PRMT8: variants seen among roughly 807,000 people sequenced by gnomAD.
PRMT8 encodes the protein protein arginine methyltransferase 8.
A neutral mutation model predicts 47.1 loss-of-function variants in PRMT8; 7 were observed. The observed-to-expected ratio is 0.15, with a 90% CI of 0.08 to 0.28. The LOEUF is 0.28. PRMT8 is among the 10% of genes least tolerant of loss of function. The probability of loss-of-function intolerance (pLI) is 1.00; values close to 1 mark genes in which losing one functional copy is unlikely to be tolerated. For missense variants in PRMT8, 237 were observed against 505.4 expected, an observed-to-expected ratio of 0.47 and a Z score of 5.09; for synonymous variants, 188 against 186.5, an observed-to-expected ratio of 1.01 and a Z score of -0.07.
chr12:3,516,390 G>A (rs1176331976), intron 1 of PRMT8, among the ~76,000 whole-genome samples: 3 of 152,198 alleles, frequency 2.0e-5, no homozygotes, highest in African/African-American at 7.2e-5. Context: ...TTTATTGAAT[G>A]TTCACTCAGC....
At chr12:3,439,535 G>C (rs1864777327) in intron 1 of PRMT8, among the ~76,000 whole-genome samples, 1 of 152,130 alleles carries the variant, frequency 6.6e-6, no homozygotes, top group Admixed American at 6.5e-5. Flanking sequence ...CCCTTTCTCA[G>C]CTTACATCCC....
intron 1 of PRMT8, among the ~76,000 whole-genome samples, chr12:3,387,625 T>C (rs1034451216): frequency 6.6e-6 from 1 of 152,174 alleles, no homozygotes; most frequent in Non-Finnish European, 1.5e-5. Context: ...CTATTAACTA[T>C]TTATCGAATG....
At chr12:3,422,242 C>G (rs1189085541) in intron 1 of PRMT8, among the ~76,000 whole-genome samples, 1 of 152,232 alleles carries the variant, frequency 6.6e-6, no homozygotes, top group African/African-American at 2.4e-5. Flanking sequence ...GTCAGCTCCA[C>G]CTGCCAACCT....
At chr12:3,531,158 C>T (rs1866024848) in intron 1 of PRMT8, among the ~76,000 whole-genome samples, 1 of 151,866 alleles carries the variant, frequency 6.6e-6, no homozygotes, top group Non-Finnish European at 1.5e-5. Context: ...TGTAGTCTAA[C>T]TCCAGGCAAG....
At chr12:3,463,015 A>C (rs1031778097) in intron 1 of PRMT8, 1 of 150,186 alleles carries the variant, frequency 6.7e-6, no homozygotes, top group Non-Finnish European at 1.5e-5. Flanking sequence ...AGAAACTGTG[A>C]AATTGGCAGA....
Position 3,572,887 on chromosome 12 carries a change from A to G in PRMT8, c.712+3323A>G, listed in dbSNP as rs1866874739. 6.6e-6 allele frequency among the ~76,000 whole-genome samples: 1 copy of G among 152,064 alleles called. No individual in the cohort carries two copies. Reference sequence around the variant, plus strand: ...AAATCACATTTCTCCCCTGGTACTTAATTTTCTTTCCTCAGACTGTTTTTG... The same window carrying G: ...AAATCACATTTCTCCCCTGGTACTTGATTTTCTTTCCTCAGACTGTTTTTG... On this transcript the variant is annotated intron_variant, in intron 6 of 9. Transcript: ENST00000382622. The surrounding 1 kb of genome is among the most constrained non-coding windows in gnomAD (Gnocchi z 5.9).
intron 2 of PRMT8, among the ~76,000 whole-genome samples, chr12:3,545,073 T>A (rs1235824855): frequency 6.6e-6 from 1 of 152,240 alleles, no homozygotes; most frequent in African/African-American, 2.4e-5. Flanking sequence ...TAGTTATCAC[T>A]AAGAGCCAGA....
chr12:3,473,654 T>C (rs1865181696), intron 1 of PRMT8, among the ~76,000 whole-genome samples: 1 of 152,186 alleles, frequency 6.6e-6, no homozygotes, highest in South Asian at 2.1e-4. Flanking sequence ...ACCTGTCACC[T>C]GGGCATCTCC....
At chr12:3,391,676 A>T (rs949415879) in intron 1 of PRMT8, among the ~76,000 whole-genome samples, 4 of 152,168 alleles carry the variant, frequency 2.6e-5, no homozygotes. Context: ...CCTGTACCAA[A>T]GCTATTTGCA....
In PRMT8 at chr12:3,508,758, G is replaced by A. The variant is rs948323659; in HGVS notation, c.75+17058G>A. ...ACATCTCTCCTCTGAGATACGCGAG[G>A]CATAGCTGCCTGCCTGCGGGACATC... On this transcript the variant is annotated intron_variant, in intron 1 of 9. Transcript: ENST00000382622. The surrounding 1 kb of genome is among the most constrained non-coding windows in gnomAD (Gnocchi z 4.9). 2.6e-5 allele frequency among the ~76,000 whole-genome samples: 4 copies of A among 152,136 alleles called. No individual in the cohort carries two copies. The highest frequency in any genetic ancestry group is 9.7e-5 in the African/African-American group (4 of 41,426).
chr12:3,469,124 T>C, intron 1 of PRMT8: 1 of 491,574 alleles, frequency 2.0e-6, no homozygotes, highest in Non-Finnish European at 4.0e-6. Context: ...AGCCAGAGTC[T>C]TCCATGCCTA....
Position 3,465,300 on chromosome 12 carries a change from A to T in PRMT8, c.49-75306A>T, listed in dbSNP as rs1168053144. 4.8e-5 allele frequency among the ~76,000 whole-genome samples: 7 copies of T among 145,594 alleles called. No individual in the cohort carries two copies. The East Asian group carries it at 1.2e-3, about 24-fold the overall frequency. On this transcript the variant is annotated intron_variant, in intron 1 of 9. Coordinates refer to the PRMT8 transcript ENST00000452611. ...ATAAAAAATATATAATATATAATAA[A>T]ATATATATTATATATACATTAAATA...
At chr12:3,571,333 C>T (rs1866841107) in intron 6 of PRMT8, among the ~76,000 whole-genome samples, 1 of 152,216 alleles carries the variant, frequency 6.6e-6, no homozygotes, top group Admixed American at 6.5e-5. Context: ...TTTTGGAGTT[C>T]TTGCTGTGCA....
chr12:3,518,712 T>C (rs2137138463), intron 1 of PRMT8, among the ~76,000 whole-genome samples: 1 of 152,186 alleles, frequency 6.6e-6, no homozygotes, highest in African/African-American at 2.4e-5. Flanking sequence ...ATTAAAGGGA[T>C]TCAAGAGTCC....
chr12:3,464,731 T>G (rs1865075114), intron 1 of PRMT8, among the ~76,000 whole-genome samples: 1 of 152,226 alleles, frequency 6.6e-6, no homozygotes, highest in African/African-American at 2.4e-5. Flanking sequence ...AGATCTCATC[T>G]GCCCTGGCCA....
chr12:3,570,716 C>T lies in PRMT8; in HGVS notation c.712+1152C>T, dbSNP rs558742838. Among the ~76,000 whole-genome samples the T allele has an allele frequency of 6.6e-6, 1 of 152,182 alleles. No homozygotes were observed. The highest frequency in any genetic ancestry group is 6.5e-5 in the Admixed American group (1 of 15,284). On this transcript the variant is annotated intron_variant, in intron 6 of 9. Transcript: ENST00000382622. The surrounding 1 kb of genome is among the most constrained non-coding windows in gnomAD (Gnocchi z 5.5). ...ATGTGTGTATTTGTGTGGGTTCATG[C>T]CTTTCTGGAAATATAAACTCAAAGT...
chr12:3,436,081 AGGCTT>A lies in PRMT8; in HGVS notation c.48+54644_48+54648del, dbSNP rs1302589020. 2.6e-5 allele frequency among the ~76,000 whole-genome samples: 4 copies of A among 152,044 alleles called. No individual in the cohort carries two copies. Among genetic ancestry groups the A allele is most frequent in the Non-Finnish European group, 5.9e-5 (4 of 68,014 alleles). On this transcript the variant is annotated intron_variant, in intron 1 of 9. Coordinates refer to the PRMT8 transcript ENST00000452611. This position sits in a 1 kb window ranked among gnomAD's most constrained non-coding sequence, Gnocchi z 4.2. ...TCACACCTGTGGTGAGGTTGGGCAA[AGGCTT>A]GGCTCTGGTTGCCCTGTGACTTTGA...
intron 1 of PRMT8, among the ~76,000 whole-genome samples, chr12:3,441,881 T>C (rs974791782): frequency 6.6e-6 from 1 of 152,218 alleles, no homozygotes; most frequent in Non-Finnish European, 1.5e-5. Context: ...TTTTCTGTAA[T>C]GACATTTCAG....
intron 1 of PRMT8, among the ~76,000 whole-genome samples, chr12:3,484,287 T>C (rs1865302059): frequency 1.3e-5 from 2 of 152,128 alleles, no homozygotes; most frequent in Non-Finnish European, 2.9e-5. Context: ...ATGAATGAAA[T>C]GGCAAACAGA....
Sources: allele counts gnomAD v4.1 joint callset (sites outside exome capture counted in the v4.1 genomes callset), GRCh38; gene constraint gnomAD v4.1.1; non-coding constraint Gnocchi (gnomAD v3.1); transcripts MANE v1.5; gene names NCBI Gene and HGNC (gene_info 2026-07-23, HGNC 2026-07-21).